MRGPRX1: variants seen among roughly 807,000 people sequenced by gnomAD.
MRGPRX1 encodes MAS related GPR family member X1.
For synonymous variants in MRGPRX1, 208 were observed against 170.4 expected, an observed-to-expected ratio of 1.22 and a Z score of -1.72; for missense variants, 411 against 393.8, an observed-to-expected ratio of 1.04 and a Z score of -0.37.
Position 18,934,788 on chromosome 11 carries a change from C to T in MRGPRX1, c.-4G>A, listed in dbSNP as rs563811000. The T allele has an allele frequency of 1.7e-5, 27 of 1,558,108 alleles. 1 individual carries two copies. Among genetic ancestry groups the T allele is most frequent in the Non-Finnish European group, 2.3e-5 (26 of 1,151,734 alleles). On this transcript the variant is annotated 5_prime_UTR_variant, in exon 2 of 2. Transcript: ENST00000526914. ...AGGTTGAGATGGTTGGATCCATGCT[C>T]AGAAACCCTAGTCTGGTGACCCTGG...
chr11:18,935,000 C>G (rs1433002989), intron 1 of MRGPRX1, 191 bp from the exon 2 acceptor site: 2 of 572,202 alleles, frequency 3.5e-6, no homozygotes, highest in Non-Finnish European at 3.0e-6. Context: ...TGAAGCCTGA[C>G]CTCTCTCTAC....
At position 18,934,403 on chromosome 11, in the gene MRGPRX1, T is replaced by C; in HGVS notation, c.382A>G (p.Ile128Val). The C allele has an allele frequency of 6.2e-7, 1 of 1,610,790 alleles. No homozygotes were observed. The change falls in exon 2 of 2, where the codon ATC becomes GTC. Residue 128 changes from isoleucine (I) to valine (V), a missense_variant. Transcript: ENST00000526914. The stretch of plus-strand genomic sequence containing the variant: ...GTGGGGCGGTGGCAGCGGTACCAGA[T>C]GGGCCACAGGACGGACAGGCAGCGC... Reference protein sequence around the residue: ...TERCLSVLWPIWYRCHRPTHL... With the variant: ...TERCLSVLWPVWYRCHRPTHL...
Position 18,934,260 on chromosome 11 carries a change from T to C in MRGPRX1, c.525A>G (p.Thr175=), listed in dbSNP as rs369524192. The C allele has an allele frequency of 6.2e-7, 1 of 1,610,078 alleles. No individual in the cohort carries two copies. The highest frequency in any genetic ancestry group is 1.3e-5 in the African/African-American group (1 of 74,500). ...GCCACGCGACTGTGATGAAATCTGATGTTTGACACCAAGCAGAATCAGCAC... is the reference window on the plus strand; with the variant it reads ...GCCACGCGACTGTGATGAAATCTGACGTTTGACACCAAGCAGAATCAGCAC... ...FSGADSAWCQ[T]SDFITVAWLI... is the part of the protein sequence containing the mutation. Residue 175 remains threonine (T), a synonymous_variant, in exon 2 of 2, where the codon ACA becomes ACG. Transcript: ENST00000526914.
chr11:18,937,886 C>T (rs924317690), intron 1 of MRGPRX1, among the ~76,000 whole-genome samples: 2 of 151,580 alleles, frequency 1.3e-5, no homozygotes, highest in Admixed American at 6.6e-5. Context: ...TAGAGAAAGA[C>T]ATGCCGAACA....
intron 1 of MRGPRX1, chr11:18,935,224 C>T (rs1251498714): frequency 6.1e-6 from 1 of 162,634 alleles, no homozygotes; most frequent in Non-Finnish European, 1.3e-5. Context: ...CATTATGAAC[C>T]AGAGGAAAAT....
chr11:18,934,551 G>T lies in MRGPRX1; in HGVS notation c.234C>A (p.Gly78=). The T allele has an allele frequency of 6.2e-7, 1 of 1,609,876 alleles. No homozygotes were observed. The highest frequency in any genetic ancestry group is 8.5e-7 in the Non-Finnish European group (1 of 1,177,770). ...AGCTTAACAGGGAATATATAAGGCG[G>T]CCGCTGAGGAAGAGGAAGTCTGCTG... ...LAAADFLFLS[G]RLIYSLLSFI... The change falls in exon 2 of 2, where the codon GGC becomes GGA. Residue 78 remains glycine, a synonymous_variant. Coordinates refer to ENST00000526914, the MANE Select transcript of MRGPRX1 (RefSeq NM_001393578.1).
At chr11:18,935,118 T>A in intron 1 of MRGPRX1, 1 of 240,070 alleles carries the variant, frequency 4.2e-6, no homozygotes, top group Non-Finnish European at 8.1e-6. Flanking sequence ...GGGCCTGAAA[T>A]TTTCTCTCAG....
At chr11:18,937,301 G>C (rs1848848702) in intron 1 of MRGPRX1, among the ~76,000 whole-genome samples, 1 of 151,320 alleles carries the variant, frequency 6.6e-6, no homozygotes, top group African/African-American at 2.4e-5. Flanking sequence ...GAGAGTAGCA[G>C]TTTTTGGAAT....
chr11:18,933,889 GAC>G lies in MRGPRX1; in HGVS notation c.894_895del (p.Ser299Ter), dbSNP rs779148689. The stretch of plus-strand genomic sequence containing the variant: ...CTGCCCTCCACCTTCATCCACCTCA[GAC>G]GCGTCCTGCAGAGCCCTCTGGAGAA... On this transcript the variant is annotated frameshift_variant, in exon 2 of 2. Coordinates refer to ENST00000526914, the MANE Select transcript of MRGPRX1 (RefSeq NM_001393578.1). LOFTEE classifies it low-confidence loss of function (END_TRUNC). 24 of 1,610,736 alleles carry G rather than the reference GAC, an allele frequency of 1.5e-5. No homozygotes were observed. In the South Asian group the frequency reaches 1.8e-4, roughly 12 times the overall value.
rs1848825231 is a variant in MRGPRX1 at position 18,934,671 on chromosome 11, G to A, written c.114C>T (p.Ser38=). 9 of 1,610,826 alleles carry A rather than the reference G, an allele frequency of 5.6e-6. No homozygotes were observed. In the South Asian group the frequency reaches 6.6e-5, roughly 12 times the overall value. ...CTGCGTTTCCTGTCAGCCCGACAAG[G>A]GAAACGATGCACGTCAGCACCGTGA... The part of the protein sequence containing the change: ...LSLTVLTCIV[S]LVGLTGNAVV... Residue 38 remains serine (S), a synonymous_variant, in exon 2 of 2, where the codon TCC becomes TCT. Transcript: ENST00000526914.
intron 1 of MRGPRX1, among the ~76,000 whole-genome samples, chr11:18,936,209 G>A (rs570481161): frequency 1.1e-4 from 17 of 151,112 alleles, no homozygotes; most frequent in African/African-American, 4.1e-4. Context: ...CACCCAGCAC[G>A]ACTCTGTGTC....
At chr11:18,935,669 T>G (rs1248384142) in intron 1 of MRGPRX1, among the ~76,000 whole-genome samples, 1 of 151,388 alleles carries the variant, frequency 6.6e-6, no homozygotes, top group South Asian at 2.1e-4. Context: ...CACAGTGTTT[T>G]GGGTAGGGTG....
rs1252311338 is a variant in MRGPRX1, at chr11:18,934,786, C to T, written c.-2G>A. ...CAAGGTTGAGATGGTTGGATCCATG[C>T]TCAGAAACCCTAGTCTGGTGACCCT... On this transcript the variant is annotated 5_prime_UTR_variant, in exon 2 of 2. Transcript: ENST00000526914. The T allele has an allele frequency of 7.1e-6, 11 of 1,558,414 alleles. No individual in the cohort carries two copies. Among genetic ancestry groups the T allele is most frequent in the Non-Finnish European group, 9.5e-6 (11 of 1,151,900 alleles).
At chr11:18,936,368 T>C (rs369993164) in intron 1 of MRGPRX1, among the ~76,000 whole-genome samples, 66 of 150,258 alleles carry the variant, frequency 4.4e-4, no homozygotes, top group African/African-American at 1.6e-3. Context: ...GGGAACAAAA[T>C]AGAGAAGAGT....
chr11:18,938,182 C>T (rs1274040101), intron 1 of MRGPRX1, among the ~76,000 whole-genome samples: 1 of 151,604 alleles, frequency 6.6e-6, no homozygotes, highest in Non-Finnish European at 1.5e-5. Context: ...TTTCCACCTC[C>T]TGGCTCTCTG....
In MRGPRX1 at chr11:18,936,142, G is replaced by C. The variant is rs1848838828; in HGVS notation, c.-25-1333C>G. Among the ~76,000 whole-genome samples, 3 of 151,346 alleles carry C rather than the reference G, an allele frequency of 2.0e-5. 1 individual carries two copies. The East Asian group carries it at 5.8e-4, about 29-fold the overall frequency. On this transcript the variant is annotated intron_variant, in intron 1 of 1. Transcript: ENST00000526914. ...AATTATTCATTCTGGGACTTATATA[G>C]TATGAATTTGAGCCCAGCAGGGCTG...
At chr11:18,938,720 T>C (rs1848860000) in intron 1 of MRGPRX1, among the ~76,000 whole-genome samples, 1 of 151,456 alleles carries the variant, frequency 6.6e-6, no homozygotes, top group Non-Finnish European at 1.5e-5. Context: ...AACTGCTCCT[T>C]CCTTCTCCCT....
At chr11:18,937,151 T>C (rs1048851465) in intron 1 of MRGPRX1, among the ~76,000 whole-genome samples, 3 of 151,460 alleles carry the variant, frequency 2.0e-5, no homozygotes, top group African/African-American at 7.3e-5. Context: ...ACAAAAGTGA[T>C]GTAAGCAAGT....
At position 18,934,296 on chromosome 11, in the gene MRGPRX1, G is replaced by A. The variant is rs1564973595; in HGVS notation, c.489C>T (p.Phe163=). The change falls in exon 2 of 2, where the codon TTC becomes TTT. Residue 163 remains phenylalanine (F), a synonymous_variant. Transcript: ENST00000526914. The part of the protein sequence containing the change: ...RSILEWMLCG[F]LFSGADSAWC... ...AAGCAGAATCAGCACCACTGAACAG[G>A]AAGCCACATAACATCCACTCCAGGA... 1 of 1,610,642 alleles carries A rather than the reference G, an allele frequency of 6.2e-7. No homozygotes were observed.
Sources: gnomAD v4.1 joint callset for allele counts (sites outside exome capture counted in the v4.1 genomes callset) on GRCh38, gnomAD v4.1.1 for gene constraint, MANE v1.5 for transcripts, NCBI Gene and HGNC (gene_info 2026-07-23, HGNC 2026-07-21) for gene names.